The following SKP2 variants were observed in gnomAD, a reference collection of about 807,000 sequenced individuals.
SKP2 encodes the protein S-phase kinase-associated protein 2.
A neutral mutation model predicts 51.8 loss-of-function variants in SKP2; 16 were observed. That is an observed-to-expected ratio of 0.31 (90% CI 0.21 to 0.47). The LOEUF is 0.47. Ranked by LOEUF, SKP2 falls within the 20% of genes least tolerant of loss-of-function variation. SKP2 has a pLI of 1.00. For missense variants in SKP2, 377 were observed against 505.3 expected (o/e 0.75, Z 2.43); for synonymous variants, 176 against 198.6 (o/e 0.89, Z 0.96).
intron 6 of SKP2, among the ~76,000 whole-genome samples, chr5:36,171,134 G>T (rs775961960): frequency 1.3e-5 from 2 of 152,132 alleles, no homozygotes; most frequent in African/African-American, 2.4e-5. Flanking sequence ...GTTGTATTTT[G>T]TCTCTGAAAC....
At chr5:36,185,602 A>T (rs923630595), downstream of SKP2, among the ~76,000 whole-genome samples, 5 of 152,110 alleles carry the variant, frequency 3.3e-5, no homozygotes, top group African/African-American at 1.2e-4. Context: ...GTTCTGTTCC[A>T]TTGATCTATG....
intron 2 of SKP2, among the ~76,000 whole-genome samples, chr5:36,163,238 A>T (rs765470316): frequency 1.6e-4 from 24 of 152,216 alleles, no homozygotes; most frequent in Non-Finnish European, 1.9e-4. Context: ...TATTGATGTC[A>T]ATGAATTGAC....
At chr5:36,188,124 T>C (rs1284068131), downstream of SKP2, among the ~76,000 whole-genome samples, 6 of 152,204 alleles carry the variant, frequency 3.9e-5, no homozygotes, top group African/African-American at 1.2e-4. Flanking sequence ...CTTATGTGTA[T>C]CTCTGCACGT....
intron 6 of SKP2, among the ~76,000 whole-genome samples, chr5:36,191,326 C>T (rs1031163513): frequency 2.6e-5 from 4 of 151,386 alleles, no homozygotes; most frequent in African/African-American, 9.7e-5. Flanking sequence ...AAGCCCCCTA[C>T]AACAAAGAAT....
chr5:36,152,175 G>A lies in SKP2; in HGVS notation c.-88G>A, dbSNP rs901926150. ...GCTGGGGGCCCGAGCAGCACGCTCGGAGCCGCCGCGCGCCAAAGCGGGAAT... is the reference window on the plus strand; with the variant it reads ...GCTGGGGGCCCGAGCAGCACGCTCGAAGCCGCCGCGCGCCAAAGCGGGAAT... On this transcript the variant is annotated 5_prime_UTR_variant, in exon 1 of 10. Coordinates refer to ENST00000274255, the MANE Select transcript of SKP2 (RefSeq NM_005983.4). 2 of 1,450,856 alleles carry A rather than the reference G, an allele frequency of 1.4e-6. No individual in the cohort carries two copies. Among genetic ancestry groups the A allele is most frequent in the Admixed American group, 1.7e-5 (1 of 59,652 alleles). 89.9% of individuals were successfully genotyped at this position (1,450,856 alleles called of 1,614,324 possible). A position where few individuals can be genotyped will look rare whatever the true frequency, so the allele number is the denominator to read the frequency against.
At chr5:36,171,449 G>C (rs990099264) in intron 6 of SKP2, among the ~76,000 whole-genome samples, 154 bp from the exon 7 acceptor site, 18 of 152,264 alleles carry the variant, frequency 1.2e-4, no homozygotes, top group African/African-American at 4.1e-4. Context: ...GGTATACTTA[G>C]GTGACTAAAG....
chr5:36,171,563 G>A, intron 6 of SKP2, 40 bp from the exon 7 acceptor site: 3 of 1,597,064 alleles, frequency 1.9e-6, no homozygotes, highest in Non-Finnish European at 2.6e-6. Context: ...ATTCCCGTGT[G>A]ATGGTTTCAT....
chr5:36,181,782 T>C (rs1745819076), intron 9 of SKP2, 36 bp from the exon 10 acceptor site: 1 of 1,610,616 alleles, frequency 6.2e-7, no homozygotes, highest in Non-Finnish European at 8.5e-7. Flanking sequence ...TTTCCATAGA[T>C]ACTGCTATTC....
rs1407795886 is a variant in SKP2 at position 36,181,134 on chromosome 5, C to CT, written c.1062-682dup. ...AATGTGAAATACCTAAAGGGACTGG[C>CT]TTATCTATGCAGAAAAAAAATGGTA... is the stretch of plus-strand genomic sequence containing the variant. On this transcript the variant is annotated intron_variant, in intron 9 of 9. Transcript: ENST00000274255. 2.6e-5 allele frequency among the ~76,000 whole-genome samples: 4 copies of CT among 152,258 alleles called. No individual in the cohort carries two copies. In the East Asian group the frequency reaches 7.7e-4, roughly 29 times the overall value.
intron 4 of SKP2, 113 bp downstream of exon 4, chr5:36,166,775 T>TA (rs2111976718): frequency 2.2e-6 from 2 of 891,002 alleles, no homozygotes; most frequent in East Asian, 5.1e-5. Flanking sequence ...GTAGGTTATC[T>TA]GTGCAGTGTG....
chr5:36,155,534 A>G (rs1176269132), intron 2 of SKP2, among the ~76,000 whole-genome samples: 1 of 152,258 alleles, frequency 6.6e-6, no homozygotes, highest in Non-Finnish European at 1.5e-5. Context: ...GTAACAATAC[A>G]TAAGCCAACA....
chr5:36,192,690 G>C (rs979617447), exon 7 of SKP2: 1 of 152,166 alleles, frequency 6.6e-6, no homozygotes, highest in African/African-American at 2.4e-5. Flanking sequence ...AGCCTACACT[G>C]ACCAGGTAAG....
In SKP2 at chr5:36,191,830, G is replaced by GA. The variant is rs1334627948; in HGVS notation, c.633-787dup. ...CCTCCCCACCTAGCCAAATATCCCA[G>GA]AAAATCAAAGTTTTCTTCACCAAGA... On this transcript the variant is annotated intron_variant, in intron 6 of 7. Transcript: ENST00000677886. 3.9e-5 allele frequency among the ~76,000 whole-genome samples: 6 copies of GA among 152,016 alleles called. No homozygotes were observed. The East Asian group carries it at 1.2e-3, about 29-fold the overall frequency.
intron 8 of SKP2, 47 bp downstream of exon 8, chr5:36,177,063 A>G (rs1272727638): frequency 7.0e-7 from 1 of 1,428,532 alleles, no homozygotes; most frequent in South Asian, 1.2e-5. Context: ...AAAAATCTTG[A>G]TTTCTCATTA....
At chr5:36,155,614 C>T (rs1444507686) in intron 2 of SKP2, among the ~76,000 whole-genome samples, 2 of 152,170 alleles carry the variant, frequency 1.3e-5, no homozygotes, top group Admixed American at 1.3e-4. Context: ...TACTCTGACC[C>T]TGTTAGTATA....
intron 7 of SKP2, among the ~76,000 whole-genome samples, 157 bp from the exon 8 acceptor site, chr5:36,176,808 A>G (rs1745646653): frequency 6.6e-6 from 1 of 151,802 alleles, no homozygotes; most frequent in Non-Finnish European, 1.5e-5. Flanking sequence ...AGAAAATTTT[A>G]TGTTCCAAGA....
chr5:36,161,216 A>G (rs1263344511), intron 2 of SKP2, among the ~76,000 whole-genome samples: 2 of 151,414 alleles, frequency 1.3e-5, no homozygotes, highest in Non-Finnish European at 2.9e-5. Flanking sequence ...ACCTCAGTGT[A>G]TAGTACATAT....
At chr5:36,160,706 A>AGCC (rs1355167206) in intron 2 of SKP2, among the ~76,000 whole-genome samples, 2 of 152,212 alleles carry the variant, frequency 1.3e-5, no homozygotes, top group African/African-American at 4.8e-5. Flanking sequence ...ACTTGAGAAA[A>AGCC]GCCTGTCATT....
chr5:36,171,466 A>G, intron 6 of SKP2, 137 bp from the exon 7 acceptor site: 3 of 803,922 alleles, frequency 3.7e-6, no homozygotes, highest in African/African-American at 1.7e-5. Flanking sequence ...AAAGGTAGCT[A>G]CTGTTAGAGA....
Sources: gnomAD v4.1 joint callset for allele counts (sites outside exome capture counted in the v4.1 genomes callset) on GRCh38, gnomAD v4.1.1 for gene constraint, MANE v1.5 for transcripts, NCBI Gene and HGNC (gene_info 2026-07-23, HGNC 2026-07-21) for gene names.